The following ROBO2 variants were observed in gnomAD, a reference collection of about 807,000 sequenced individuals.
The protein encoded by ROBO2 is roundabout guidance receptor 2, also known as roundabout homolog 2.
Under a neutral mutation model 160.8 loss-of-function variants are expected in ROBO2, and 53 were observed. The ratio of observed to expected loss-of-function variants is 0.33; its 90% CI spans 0.26 to 0.41. The LOEUF (loss-of-function observed/expected upper bound fraction) is 0.41. Among genes scored for constraint, ROBO2 ranks in the 10% least tolerant of loss-of-function variants. The probability of loss-of-function intolerance (pLI) is 1.00; values close to 1 mark genes in which losing one functional copy is unlikely to be tolerated. For synonymous variants in ROBO2, 664 were observed against 611.7 expected (o/e 1.09, Z -1.26); for missense variants, 1,577 against 1,722.4 (o/e 0.92, Z 1.49).
At chr3:77,350,082 T>C (rs2068143737) in intron 2 of ROBO2, among the ~76,000 whole-genome samples, 1 of 150,996 alleles carries the variant, frequency 6.6e-6, no homozygotes, top group African/African-American at 2.4e-5. Flanking sequence ...AATATATATA[T>C]GTACACACAC....
At chr3:76,384,226 A>G (rs932975607) in intron 2 of ROBO2, among the ~76,000 whole-genome samples, 7 of 152,218 alleles carry the variant, frequency 4.6e-5, no homozygotes, top group African/African-American at 7.2e-5. Flanking sequence ...TTGGCTGCAC[A>G]TAATACAAGA....
intron 2 of ROBO2, among the ~76,000 whole-genome samples, chr3:76,959,667 A>G (rs148030146): frequency 6.6e-6 from 1 of 152,250 alleles, no homozygotes; most frequent in African/African-American, 2.4e-5. Context: ...ATGAACTTAC[A>G]CTTTTTTATG....
intron 2 of ROBO2, among the ~76,000 whole-genome samples, chr3:76,925,648 G>T (rs1287574886): frequency 2.6e-5 from 4 of 152,110 alleles, no homozygotes; most frequent in African/African-American, 9.7e-5. Context: ...GCTCTTAAGT[G>T]CATGATGCAT....
At chr3:77,046,265 A>C (rs1243206265) in intron 1 of ROBO2, among the ~76,000 whole-genome samples, 1 of 152,326 alleles carries the variant, frequency 6.6e-6, no homozygotes, top group Admixed American at 6.5e-5. Flanking sequence ...AAAGAGTCGA[A>C]GGGCCTTATG....
intron 2 of ROBO2, among the ~76,000 whole-genome samples, chr3:76,276,981 C>T (rs1379396639): frequency 2.6e-5 from 4 of 151,962 alleles, no homozygotes; most frequent in African/African-American, 4.8e-5. Context: ...ACATTATACA[C>T]ATGTCCTGAA....
At chr3:77,412,411 A>G (rs145969642) in intron 2 of ROBO2, among the ~76,000 whole-genome samples, 1 of 152,348 alleles carries the variant, frequency 6.6e-6, no homozygotes, top group East Asian at 1.9e-4. Context: ...CACATGGCAT[A>G]TGCTTCATGA....
At chr3:76,003,045 G>A (rs2065931377) in intron 2 of ROBO2, among the ~76,000 whole-genome samples, 1 of 152,146 alleles carries the variant, frequency 6.6e-6, no homozygotes, top group African/African-American at 2.4e-5. Flanking sequence ...GAGGTTTTTA[G>A]AAGGCATTTC....
At chr3:77,269,868 G>A (rs1007458507) in intron 2 of ROBO2, among the ~76,000 whole-genome samples, 1 of 151,904 alleles carries the variant, frequency 6.6e-6, no homozygotes, top group Non-Finnish European at 1.5e-5. Flanking sequence ...TTATAATTTG[G>A]CATCTAGAAT....
At chr3:76,003,092 C>T (rs2065933413) in intron 2 of ROBO2, among the ~76,000 whole-genome samples, 1 of 152,142 alleles carries the variant, frequency 6.6e-6, no homozygotes, top group Non-Finnish European at 1.5e-5. Context: ...CACTGCTGGG[C>T]CCACTATGTC....
intron 2 of ROBO2, among the ~76,000 whole-genome samples, chr3:77,372,939 G>A (rs2071990562): frequency 6.6e-6 from 1 of 151,772 alleles, no homozygotes; most frequent in Non-Finnish European, 1.5e-5. Context: ...ATGTGCTTCT[G>A]TATTAACTAT....
chr3:76,798,113 G>T (rs1560579276), intron 2 of ROBO2, among the ~76,000 whole-genome samples: 1 of 98,092 alleles, frequency 1.0e-5, no homozygotes, highest in Non-Finnish European at 2.2e-5. Flanking sequence ...AAAAAAGAAA[G>T]AAGAGAAAGA....
chr3:77,250,152 T>G (rs567891781), intron 2 of ROBO2, among the ~76,000 whole-genome samples: 19 of 152,326 alleles, frequency 1.2e-4, no homozygotes, highest in Non-Finnish European at 2.6e-4. Flanking sequence ...TTAATTTAAA[T>G]CTAGAAAGGC....
intron 2 of ROBO2, among the ~76,000 whole-genome samples, chr3:75,975,898 T>C (rs1423130774): frequency 6.6e-6 from 1 of 151,568 alleles, no homozygotes; most frequent in Non-Finnish European, 1.5e-5. Flanking sequence ...GGGGGCTTTT[T>C]ATTGGTTGAG....
At chr3:75,957,076 T>A (rs1948745576) in intron 2 of ROBO2, among the ~76,000 whole-genome samples, 1 of 151,688 alleles carries the variant, frequency 6.6e-6, no homozygotes, top group African/African-American at 2.4e-5. Flanking sequence ...TATGATAGTG[T>A]TGCTTAACTT....
chr3:77,340,082 A>T (rs2066905228), intron 2 of ROBO2, among the ~76,000 whole-genome samples: 1 of 152,076 alleles, frequency 6.6e-6, no homozygotes, highest in African/African-American at 2.4e-5. Flanking sequence ...CATTCAAGTA[A>T]TTTTCAAAAC....
intron 2 of ROBO2, among the ~76,000 whole-genome samples, chr3:76,656,532 T>C (rs13084790): frequency 0.14 from 21,739 of 152,110 alleles, 2,038 homozygotes; most frequent in Non-Finnish European, 0.2. Flanking sequence ...CTCTCCAAAA[T>C]TGACAAGTAG....
At chr3:76,339,664 A>G (rs1184698455) in intron 2 of ROBO2, among the ~76,000 whole-genome samples, 2 of 152,110 alleles carry the variant, frequency 1.3e-5, no homozygotes, top group African/African-American at 2.4e-5. Flanking sequence ...TTTTATTTGA[A>G]CAGCAATTCC....
At chr3:77,160,786 A>G (rs1000791642) in intron 2 of ROBO2, among the ~76,000 whole-genome samples, 25 of 152,266 alleles carry the variant, frequency 1.6e-4, no homozygotes, top group African/African-American at 5.8e-4. Flanking sequence ...TTGGCATGTA[A>G]TTACCCCGGA....
chr3:77,617,666 C>T (rs1255644076), exon 22 of ROBO2: 1 of 1,614,078 alleles, frequency 6.2e-7, no homozygotes, highest in South Asian at 1.1e-5. Flanking sequence ...GACAGCAGTC[C>T]ACTGCAACTC....
Sources: gnomAD v4.1 joint callset for allele counts (sites outside exome capture counted in the v4.1 genomes callset) on GRCh38, gnomAD v4.1.1 for gene constraint, MANE v1.5 for transcripts, NCBI Gene and HGNC (gene_info 2026-07-23, HGNC 2026-07-21) for gene names.